Variants in CES5A observed in about 807,000 individuals in gnomAD.
CES5A encodes carboxylesterase 5A.
CES5A carries 67 observed loss-of-function variants against 62.9 expected under a neutral mutation model. That is an observed-to-expected ratio of 1.07 (90% CI 0.88 to 1.31). The LOEUF (loss-of-function observed/expected upper bound fraction) is 1.31, where lower values mean the gene tolerates loss of function less well. Among genes scored for constraint, CES5A ranks in the 50% most tolerant of loss-of-function variants. The pLI is 0.00. For missense variants in CES5A, 748 were observed against 708.5 expected (o/e 1.06, Z -0.63); for synonymous variants, 296 against 280.8 (o/e 1.05, Z -0.54).
chr16:55,873,271 C>T (rs1305579307), intron 2 of CES5A, among the ~76,000 whole-genome samples: 5 of 152,090 alleles, frequency 3.3e-5, no homozygotes, highest in African/African-American at 1.2e-4. Flanking sequence ...TCCCAGAGTC[C>T]CTGCGTCACA....
At chr16:55,869,397 C>G (rs6499797) in intron 4 of CES5A, 4 of 897,314 alleles carry the variant, frequency 4.5e-6, no homozygotes, top group Non-Finnish European at 6.1e-6. Context: ...CTCAATTAAA[C>G]TTTACCCAAG....
chr16:55,847,933 G>A (rs2033048647), intron 11 of CES5A, among the ~76,000 whole-genome samples: 1 of 151,978 alleles, frequency 6.6e-6, no homozygotes, highest in Admixed American at 6.6e-5. Context: ...TTATAAAGAT[G>A]GGGTCTCACT....
chr16:55,911,495 A>G (rs1329931698), intron 1 of CES5A, among the ~76,000 whole-genome samples: 1 of 152,204 alleles, frequency 6.6e-6, no homozygotes, highest in Non-Finnish European at 1.5e-5. Context: ...ACAAAGGTGC[A>G]TGTCTTTCAT....
At chr16:55,847,116 T>C in intron 11 of CES5A, among the ~76,000 whole-genome samples, 1 of 152,156 alleles carries the variant, frequency 6.6e-6, no homozygotes, top group Non-Finnish European at 1.5e-5. Flanking sequence ...GCAGGTTCCC[T>C]GGGGACACAG....
intron 1 of CES5A, among the ~76,000 whole-genome samples, chr16:55,883,754 T>A (rs1270459974): frequency 6.6e-6 from 1 of 152,228 alleles, no homozygotes; most frequent in African/African-American, 2.4e-5. Flanking sequence ...TCACAGACCA[T>A]GGATTCCTTA....
At chr16:55,938,110 A>G (rs1382823412) in intron 2 of CES5A, among the ~76,000 whole-genome samples, 2 of 152,210 alleles carry the variant, frequency 1.3e-5, no homozygotes, top group African/African-American at 4.8e-5. Context: ...CCAGAAATGT[A>G]GATTCCATGG....
intron 6 of CES5A, among the ~76,000 whole-genome samples, chr16:55,862,165 C>A (rs2142398490): frequency 6.6e-6 from 1 of 152,318 alleles, no homozygotes; most frequent in Admixed American, 6.5e-5. Flanking sequence ...ATGTTCCCCA[C>A]CTTCCATGCC....
chr16:55,858,540 C>A (rs2033289290), intron 8 of CES5A, among the ~76,000 whole-genome samples: 1 of 152,160 alleles, frequency 6.6e-6, no homozygotes, highest in Non-Finnish European at 1.5e-5. Flanking sequence ...AACATGAGGA[C>A]AAAAATCCCT....
chr16:55,936,946 T>A (rs2034383029), intron 2 of CES5A, among the ~76,000 whole-genome samples: 1 of 152,166 alleles, frequency 6.6e-6, no homozygotes, highest in African/African-American at 2.4e-5. Context: ...ATTATAATTA[T>A]ACTCCCTTGA....
intron 2 of CES5A, among the ~76,000 whole-genome samples, chr16:55,872,907 G>C (rs74656914): frequency 2.0e-5 from 3 of 152,110 alleles, no homozygotes; most frequent in African/African-American, 7.2e-5. Flanking sequence ...CAACCCCTGC[G>C]GCGTCCCCAA....
intron 2 of CES5A, among the ~76,000 whole-genome samples, chr16:55,944,985 C>T (rs911537279): frequency 6.7e-6 from 1 of 149,416 alleles, no homozygotes; most frequent in Non-Finnish European, 1.5e-5. Context: ...CTGCTTCTCA[C>T]TTGCTATATG....
chr16:55,855,362 C>T (rs2142389613), intron 9 of CES5A, among the ~76,000 whole-genome samples: 1 of 152,306 alleles, frequency 6.6e-6, no homozygotes, highest in South Asian at 2.1e-4. Context: ...TCTCTATATC[C>T]TAGTGTCTAG....
chr16:55,888,447 A>T (rs1239194062), intron 1 of CES5A, among the ~76,000 whole-genome samples: 1 of 152,192 alleles, frequency 6.6e-6, no homozygotes, highest in African/African-American at 2.4e-5. Context: ...ATTCTAGTAG[A>T]TATTCTGTTA....
upstream of CES5A, among the ~76,000 whole-genome samples, chr16:55,929,995 A>G (rs573909937): frequency 1.6e-4 from 25 of 152,064 alleles, 1 homozygote; most frequent in South Asian, 5.0e-3. Flanking sequence ...TGGCTCCCCA[A>G]TATTGTCAGG....
chr16:55,853,038 T>C lies in CES5A; in HGVS notation c.1126-10A>G. 1 of 1,613,748 alleles carries C rather than the reference T, an allele frequency of 6.2e-7. No individual in the cohort carries two copies. Among genetic ancestry groups the C allele is most frequent in the Non-Finnish European group, 8.5e-7 (1 of 1,179,824 alleles). On this transcript the variant is annotated splice_polypyrimidine_tract_variant and intron_variant, in intron 9 of 12. Transcript: ENST00000290567. ...ACTGAGGCGGGATGTGCTGTAAAAA[T>C]ATCGTAGTCCTAGGAGATCCAGGTC...
rs2033314091 is a variant in CES5A at position 55,859,679 on chromosome 16, CT to C, written c.923del (p.Lys308SerfsTer17). On this transcript the variant is annotated frameshift_variant, in exon 8 of 13. Transcript: ENST00000290567. LOFTEE classifies it high-confidence loss of function. Reference sequence around the variant, plus strand: ...CACCATCAACCACTCGAGTGAAAGACTTTGTTTTCTGTAATAAGGAAGAAAA... The same window carrying C: ...CACCATCAACCACTCGAGTGAAAGACTTGTTTTCTGTAATAAGGAAGAAAA... ...KELLTLSQKT[K>X]SFTRVVDGAF... 6 of 1,603,610 alleles carry C rather than the reference CT, an allele frequency of 3.7e-6. No homozygotes were observed. The highest frequency in any genetic ancestry group is 3.3e-4 in the Middle Eastern group (2 of 6,020).
At chr16:55,923,029 A>G (rs2034224117) in intron 1 of CES5A, among the ~76,000 whole-genome samples, 1 of 151,852 alleles carries the variant, frequency 6.6e-6, no homozygotes, top group Non-Finnish European at 1.5e-5. Flanking sequence ...TATGGGATAC[A>G]GCAAAAGTAG....
chr16:55,873,260 C>T (rs138856912), intron 2 of CES5A, among the ~76,000 whole-genome samples: 218 of 152,294 alleles, frequency 1.4e-3, no homozygotes, highest in African/African-American at 5.1e-3. Flanking sequence ...AGCTCCTTAC[C>T]TCCCAGAGTC....
At chr16:55,950,045 A>G (rs2034538210) in intron 1 of CES5A, 1 of 315,628 alleles carries the variant, frequency 3.2e-6, no homozygotes, top group East Asian at 5.4e-5. Context: ...GAAAAAAAGA[A>G]GGGGTACCCA....
Sources: allele counts gnomAD v4.1 joint callset (sites outside exome capture counted in the v4.1 genomes callset), GRCh38; gene constraint gnomAD v4.1.1; transcripts MANE v1.5; gene names NCBI Gene and HGNC (gene_info 2026-07-23, HGNC 2026-07-21).